The following RANBP2 variants were observed in gnomAD, a reference collection of about 807,000 sequenced individuals.
RANBP2 encodes the protein RAN binding protein 2, also known as E3 SUMO-protein ligase RanBP2.
In RANBP2, 57 loss-of-function variants were observed where a neutral mutation model predicts 303.6. The observed-to-expected ratio is 0.19, with a 90% CI of 0.15 to 0.23. The LOEUF is 0.23. Among genes scored for constraint, RANBP2 ranks in the 10% least tolerant of loss-of-function variants. The pLI, the probability that RANBP2 is intolerant of heterozygous loss-of-function variation, is 1.00. For missense variants in RANBP2, 3,138 were observed against 3,780.8 expected (o/e 0.83, Z 4.46); for synonymous variants, 1,167 against 1,301.5 (o/e 0.90, Z 2.23).
At chr2:108,814,463 G>A in the RANBP2 span, among the ~76,000 whole-genome samples, 1 of 151,772 alleles carries the variant, frequency 6.6e-6, no homozygotes, top group Non-Finnish European at 1.5e-5. Context: ...TCATCTAAAG[G>A]GAGTTAGTTT....
At chr2:108,794,243 GT>G in the RANBP2 span, among the ~76,000 whole-genome samples, 1 of 152,020 alleles carries the variant, frequency 6.6e-6, no homozygotes, top group East Asian at 1.9e-4. Context: ...GGCTTTTAAG[GT>G]TGCTTTCCAT....
chr2:108,828,806 A>C, the RANBP2 span, among the ~76,000 whole-genome samples: 1 of 152,022 alleles, frequency 6.6e-6, no homozygotes, highest in Non-Finnish European at 1.5e-5. Flanking sequence ...GTGAAACCCT[A>C]TCTGTACTAA....
At chr2:109,055,499 T>A in the RANBP2 span, among the ~76,000 whole-genome samples, 5 of 151,958 alleles carry the variant, frequency 3.3e-5, no homozygotes, top group East Asian at 9.8e-4. Flanking sequence ...GTAGCAGGAC[T>A]ACAGGTGCAT....
the RANBP2 span, among the ~76,000 whole-genome samples, chr2:109,042,775 C>A: frequency 6.6e-6 from 1 of 152,242 alleles, no homozygotes; most frequent in Admixed American, 6.5e-5. Flanking sequence ...TCCTAATAAC[C>A]ATTGTGATCA....
the RANBP2 span, among the ~76,000 whole-genome samples, chr2:109,042,732 A>G: frequency 1.3e-5 from 2 of 152,208 alleles, no homozygotes; most frequent in Non-Finnish European, 2.9e-5. Context: ...GGTTCTAATC[A>G]TCTAGTCCAC....
chr2:109,078,127 A>ATGGCG, the RANBP2 span, among the ~76,000 whole-genome samples: 1 of 112,534 alleles, frequency 8.9e-6, no homozygotes, highest in African/African-American at 3.4e-5. Flanking sequence ...TAGCGTGTAT[A>ATGGCG]TATATATAGC....
the RANBP2 span, among the ~76,000 whole-genome samples, chr2:109,345,902 A>C: frequency 1.3e-5 from 2 of 152,158 alleles, no homozygotes; most frequent in Admixed American, 1.3e-4. Context: ...TACTTGTTAC[A>C]TGTTGGTAGC....
chr2:108,831,728 C>CCTTCCTT, the RANBP2 span, among the ~76,000 whole-genome samples: 1 of 151,866 alleles, frequency 6.6e-6, no homozygotes. Flanking sequence ...TTCCTTCCTT[C>CCTTCCTT]CTTCCTTCCG....
the RANBP2 span, among the ~76,000 whole-genome samples, chr2:108,961,741 T>C: frequency 2.6e-5 from 4 of 152,238 alleles, no homozygotes; most frequent in East Asian, 7.7e-4. Context: ...GGAGGCTTCC[T>C]GGAAGAGGTG....
the RANBP2 span, among the ~76,000 whole-genome samples, chr2:108,860,914 G>C: frequency 2.4e-3 from 289 of 119,122 alleles, no homozygotes; most frequent in Non-Finnish European, 4.0e-3. Context: ...GAATTTGGCT[G>C]TGAATCCATC....
rs189680646 is a variant in RANBP2, at chr2:108,725,746, G to A, written c.73-3386G>A. Among the ~76,000 whole-genome samples, 1,220 of 151,486 alleles carry A rather than the reference G, an allele frequency of 8.1e-3. 22 individuals carry two copies. The highest frequency in any genetic ancestry group is 0.027 in the African/African-American group (1,113 of 41,298). On this transcript the variant is annotated intron_variant, in intron 1 of 28. Transcript: ENST00000283195. ...CTCCATCTCAAAAAAAAAAAGGAAG[G>A]GGGGAACAAGCCTTGTTCCTTTACG... is the stretch of plus-strand genomic sequence containing the variant.
the RANBP2 span, among the ~76,000 whole-genome samples, chr2:109,680,138 G>T: frequency 6.7e-6 from 1 of 149,998 alleles, no homozygotes; most frequent in Non-Finnish European, 1.5e-5. Flanking sequence ...GAGGTCAGGA[G>T]ATCGAGACCA....
chr2:109,312,817 G>C, the RANBP2 span, among the ~76,000 whole-genome samples: 1 of 152,212 alleles, frequency 6.6e-6, no homozygotes, highest in African/African-American at 2.4e-5. Flanking sequence ...CTTGTGGGTA[G>C]AGCTGCACTT....
chr2:109,371,371 C>G, the RANBP2 span, among the ~76,000 whole-genome samples: 2 of 152,208 alleles, frequency 1.3e-5, no homozygotes, highest in Non-Finnish European at 2.9e-5. Flanking sequence ...GCCTGGGTGG[C>G]AGAGCGAGAC....
the RANBP2 span, chr2:109,545,877 G>C: frequency 2.1e-6 from 3 of 1,440,524 alleles, no homozygotes; most frequent in East Asian, 4.7e-5. Flanking sequence ...CTGGATGCTG[G>C]GGAAACAGCA....
At chr2:109,602,901 C>CAA in the RANBP2 span, among the ~76,000 whole-genome samples, 7,847 of 110,254 alleles carry the variant, frequency 0.071, 578 homozygotes, top group East Asian at 0.27. Flanking sequence ...GACCCTGTCT[C>CAA]AAAAAAAAAA....
chr2:109,128,021 T>C, the RANBP2 span: 6 of 152,274 alleles, frequency 3.9e-5, no homozygotes, highest in South Asian at 1.0e-3. Flanking sequence ...GGCTGGCCGA[T>C]AGGCAGGCCC....
At chr2:109,647,601 C>T in the RANBP2 span, among the ~76,000 whole-genome samples, 1 of 151,990 alleles carries the variant, frequency 6.6e-6, no homozygotes, top group South Asian at 2.1e-4. Context: ...CCCTAGTAGC[C>T]GGGATTACAG....
Position 108,784,149 on chromosome 2 carries a change from G to A in RANBP2, c.*248G>A, listed in dbSNP as rs1678452532. On this transcript the variant is annotated 3_prime_UTR_variant, in exon 29 of 29. Coordinates refer to ENST00000283195, the MANE Select transcript of RANBP2 (RefSeq NM_006267.5). ...TTATGTACTCCTGACGTATTAAAAT[G>A]GAATAATACTAATCTTGTTAAAAGC... 8 of 435,090 alleles carry A rather than the reference G, an allele frequency of 1.8e-5. No individual in the cohort carries two copies. The East Asian group carries it at 2.9e-4, about 16-fold the overall frequency. 27.0% of individuals were successfully genotyped at this position (435,090 alleles called of 1,614,324 possible). A position where few individuals can be genotyped will look rare whatever the true frequency, so the allele number is the denominator to read the frequency against.
Sources: allele counts gnomAD v4.1 joint callset (sites outside exome capture counted in the v4.1 genomes callset), GRCh38; gene constraint gnomAD v4.1.1; transcripts MANE v1.5; gene names NCBI Gene and HGNC (gene_info 2026-07-23, HGNC 2026-07-21).